Variants in ANGPT2 observed in about 807,000 individuals in gnomAD.
ANGPT2 encodes angiopoietin 2, also known as angiopoietin-2.
ANGPT2 carries 28 observed loss-of-function variants against 62.9 expected under a neutral mutation model. That is an observed-to-expected ratio of 0.44 (90% confidence interval 0.33 to 0.61). ANGPT2 has a LOEUF of 0.61. Ranked by LOEUF, ANGPT2 falls within the 20% of genes least tolerant of loss-of-function variation. The probability of loss-of-function intolerance (pLI) is 0.03; values close to 1 mark genes in which losing one functional copy is unlikely to be tolerated. For missense variants in ANGPT2, 727 were observed against 594.9 expected (o/e 1.22, Z -2.31); for synonymous variants, 284 against 207.8 (o/e 1.37, Z -3.15).
rs569665273 is a variant in ANGPT2 at position 6,502,749 on chromosome 8, A to G, written c.*352T>C. 5.9e-5 allele frequency: 17 copies of G among 288,138 alleles called. No homozygotes were observed. The highest frequency in any genetic ancestry group is 1.4e-4 in the South Asian group (3 of 21,562). 17.8% of individuals were successfully genotyped at this position (288,138 alleles called of 1,614,324 possible). A position where few individuals can be genotyped will look rare whatever the true frequency, so the allele number is the denominator to read the frequency against. ...TCCAAGATGATCTGTATTGTATAACATAAGTGTTCTGTTTTCCAGTTATTT... is the reference window on the plus strand; with the variant it reads ...TCCAAGATGATCTGTATTGTATAACGTAAGTGTTCTGTTTTCCAGTTATTT... On this transcript the variant is annotated 3_prime_UTR_variant, in exon 9 of 9. Transcript: ENST00000629816.
At position 6,499,742 on chromosome 8, in the gene ANGPT2, C is replaced by T. The variant is rs1055363862; in HGVS notation, c.*3359G>A. On this transcript the variant is annotated 3_prime_UTR_variant, in exon 9 of 9. Transcript: ENST00000629816. Reference sequence around the variant, plus strand: ...TTGTTGTCTGAGAACACATCTATTTCAGATCTGCGGAGTGTATCACTTTTT... The same window carrying T: ...TTGTTGTCTGAGAACACATCTATTTTAGATCTGCGGAGTGTATCACTTTTT... 2 of 871,634 alleles carry T rather than the reference C, an allele frequency of 2.3e-6. No homozygotes were observed. Among genetic ancestry groups the T allele is most frequent in the African/African-American group, 1.6e-5 (1 of 60,982 alleles). 54.0% of individuals were successfully genotyped at this position (871,634 alleles called of 1,614,324 possible).
chr8:6,502,996 C>T lies in ANGPT2; in HGVS notation c.*105G>A. ...GGGTCCCGTCAGCACCGAGCACACG[C>T]CCTCTGTGGTGGAAGAGGACACAGT... On this transcript the variant is annotated 3_prime_UTR_variant, in exon 9 of 9. Coordinates refer to ENST00000629816, the MANE Select transcript of ANGPT2 (RefSeq NM_001118887.2). 3.0e-6 allele frequency: 4 copies of T among 1,355,922 alleles called. No homozygotes were observed. Among genetic ancestry groups the T allele is most frequent in the South Asian group, 2.7e-5 (2 of 74,596 alleles). 84.0% of individuals were successfully genotyped at this position (1,355,922 alleles called of 1,614,324 possible).
At chr8:6,517,105 C>G (rs979464547) in intron 5 of ANGPT2, among the ~76,000 whole-genome samples, 10 of 152,022 alleles carry the variant, frequency 6.6e-5, no homozygotes, top group African/African-American at 1.9e-4. Flanking sequence ...AGTTATCTAC[C>G]CAGCCAGAAG....
intron 1 of ANGPT2, among the ~76,000 whole-genome samples, chr8:6,541,472 G>A (rs1267530881): frequency 6.6e-6 from 1 of 152,176 alleles, no homozygotes; most frequent in Non-Finnish European, 1.5e-5. Context: ...GGGCAGGGCA[G>A]GCCTGGAGAC....
chr8:6,505,686 A>G, intron 8 of ANGPT2, among the ~76,000 whole-genome samples: 1 of 114,640 alleles, frequency 8.7e-6, no homozygotes. Context: ...TTACATATAT[A>G]GAATATATGT....
At chr8:6,528,515 C>T (rs532029544) in intron 2 of ANGPT2, among the ~76,000 whole-genome samples, 1 of 152,194 alleles carries the variant, frequency 6.6e-6, no homozygotes, top group Non-Finnish European at 1.5e-5. Context: ...TGCCATTTCT[C>T]CTTCCTGTTT....
intron 2 of ANGPT2, among the ~76,000 whole-genome samples, chr8:6,529,339 A>T (rs140033220): frequency 6.6e-6 from 1 of 152,190 alleles, no homozygotes; most frequent in African/African-American, 2.4e-5. Context: ...AGAAATTTTC[A>T]GATTTGAATT....
Position 6,499,857 on chromosome 8 carries a change from A to G in ANGPT2, c.*3244T>C, listed in dbSNP as rs751953379. On this transcript the variant is annotated 3_prime_UTR_variant, in exon 9 of 9. Coordinates refer to ENST00000629816, the MANE Select transcript of ANGPT2 (RefSeq NM_001118887.2). ...GCTTGTTGTGTCACTTGCAGGTGCTATGGTCTTTAGAATTGGGTCACTGGA... is the reference window on the plus strand; with the variant it reads ...GCTTGTTGTGTCACTTGCAGGTGCTGTGGTCTTTAGAATTGGGTCACTGGA... 16 of 1,612,936 alleles carry G rather than the reference A, an allele frequency of 9.9e-6. No individual in the cohort carries two copies. The highest frequency in any genetic ancestry group is 4.4e-5 in the South Asian group (4 of 91,036).
At chr8:6,560,528 G>A (rs546036344) in intron 1 of ANGPT2, among the ~76,000 whole-genome samples, 7 of 152,304 alleles carry the variant, frequency 4.6e-5, no homozygotes, top group African/African-American at 1.7e-4. Flanking sequence ...CCGAGCGAGA[G>A]TGCAAATTGC....
At chr8:6,549,690 G>C (rs569703916) in intron 1 of ANGPT2, among the ~76,000 whole-genome samples, 1 of 147,668 alleles carries the variant, frequency 6.8e-6, no homozygotes, top group African/African-American at 2.5e-5. Flanking sequence ...CTTCCGTATC[G>C]AGCTGGGCGG....
At chr8:6,543,889 A>G (rs1038594774) in intron 1 of ANGPT2, among the ~76,000 whole-genome samples, 1 of 152,222 alleles carries the variant, frequency 6.6e-6, no homozygotes, top group Non-Finnish European at 1.5e-5. Flanking sequence ...AGAAGCTGAA[A>G]GGGCGCAATC....
chr8:6,526,412 C>A (rs1017362831), intron 3 of ANGPT2, among the ~76,000 whole-genome samples: 1 of 151,076 alleles, frequency 6.6e-6, no homozygotes, highest in Non-Finnish European at 1.5e-5. Context: ...CCAGCCAGGG[C>A]AACCAGAGTG....
At chr8:6,557,688 T>TACACACACACAC (rs112788253) in intron 1 of ANGPT2, among the ~76,000 whole-genome samples, 2 of 148,692 alleles carry the variant, frequency 1.3e-5, no homozygotes, top group Non-Finnish European at 3.0e-5. Flanking sequence ...TATGTGTGTG[T>TACACACACACAC]ACACACACAC....
chr8:6,525,835 C>A (rs988181505), intron 3 of ANGPT2, among the ~76,000 whole-genome samples: 2 of 152,128 alleles, frequency 1.3e-5, no homozygotes, highest in East Asian at 3.8e-4. Context: ...AAAGCTTATT[C>A]TTCCTACAGG....
chr8:6,512,618 C>T (rs1429586168), intron 7 of ANGPT2, among the ~76,000 whole-genome samples: 1 of 152,180 alleles, frequency 6.6e-6, no homozygotes, highest in Non-Finnish European at 1.5e-5. Context: ...ACACACATTT[C>T]GGAGTGCCTC....
chr8:6,514,226 G>A (rs1003548614), intron 6 of ANGPT2, among the ~76,000 whole-genome samples: 3 of 152,316 alleles, frequency 2.0e-5, no homozygotes, highest in Middle Eastern at 6.8e-3. Context: ...GTCTTACTCT[G>A]TTGCCCAGGC....
intron 1 of ANGPT2, among the ~76,000 whole-genome samples, chr8:6,543,352 C>T (rs567739480): frequency 3.9e-5 from 6 of 152,188 alleles, no homozygotes; most frequent in Non-Finnish European, 5.9e-5. Flanking sequence ...GGCTCTCCAA[C>T]GAACTGCTCC....
intron 1 of ANGPT2, among the ~76,000 whole-genome samples, chr8:6,552,765 A>G (rs555565682): frequency 6.6e-6 from 1 of 152,110 alleles, no homozygotes; most frequent in East Asian, 1.9e-4. Context: ...TGTTTCGGCC[A>G]GTTAATTAAG....
At chr8:6,558,899 C>T (rs1229001740) in intron 1 of ANGPT2, among the ~76,000 whole-genome samples, 2 of 152,042 alleles carry the variant, frequency 1.3e-5, no homozygotes, top group African/African-American at 4.8e-5. Context: ...TATACATATA[C>T]ATATCGCATA....
Sources: gnomAD v4.1 joint callset for allele counts (sites outside exome capture counted in the v4.1 genomes callset) on GRCh38, gnomAD v4.1.1 for gene constraint, MANE v1.5 for transcripts, NCBI Gene and HGNC (gene_info 2026-07-23, HGNC 2026-07-21) for gene names.